Variants in GTF2IRD2B observed in about 807,000 individuals in gnomAD.
The protein encoded by GTF2IRD2B is general transcription factor II-I repeat domain-containing protein 2B.
In GTF2IRD2B, 10 loss-of-function variants were observed where a neutral mutation model predicts 55.6. The ratio of observed to expected loss-of-function variants is 0.18; its 90% confidence interval spans 0.11 to 0.31. The LOEUF (loss-of-function observed/expected upper bound fraction) is 0.31, where lower values mean the gene tolerates loss of function less well. Ranked by LOEUF, GTF2IRD2B falls within the 10% of genes least tolerant of loss-of-function variation. The pLI is 1.00. For synonymous variants in GTF2IRD2B, 107 were observed against 320.5 expected (o/e 0.33, Z 7.12); for missense variants, 206 against 802.7 (o/e 0.26, Z 8.98).
At chr7:75,138,622 G>A (rs880000924) in intron 11 of GTF2IRD2B, among the ~76,000 whole-genome samples, 3 of 115,346 alleles carry the variant, frequency 2.6e-5, no homozygotes, top group African/African-American at 1.1e-4. Context: ...AGCCGAGATC[G>A]CACCACTGCA....
In GTF2IRD2B at chr7:75,092,676, C is replaced by G. The variant is rs1807279924; in HGVS notation, c.-95C>G. ...AAGCGTGCTCGTCCCCCGCGCGGGG[C>G]TCCCGGCCGCCGCCCTCGGCCATCG... On this transcript the variant is annotated 5_prime_UTR_variant, in exon 1 of 16. Transcript: ENST00000472837. The G allele has an allele frequency of 6.5e-6, 1 of 153,626 alleles. No individual in the cohort carries two copies. Among genetic ancestry groups the G allele is most frequent in the African/African-American group, 2.4e-5 (1 of 41,488 alleles). 9.5% of individuals were successfully genotyped at this position (153,626 alleles called of 1,614,324 possible).
intron 1 of GTF2IRD2B, among the ~76,000 whole-genome samples, chr7:75,106,959 A>G (rs1233346298): frequency 6.6e-6 from 1 of 151,342 alleles, no homozygotes; most frequent in Non-Finnish European, 1.5e-5. Context: ...AAAAAAAAAA[A>G]AAAATCTTGG....
At chr7:75,109,250 G>C (rs1328411818) in intron 2 of GTF2IRD2B, among the ~76,000 whole-genome samples, 187 bp downstream of exon 2, 1 of 146,136 alleles carries the variant, frequency 6.8e-6, no homozygotes, top group African/African-American at 2.4e-5. Flanking sequence ...TGCCTCCTGG[G>C]TTCAAGCAAT....
chr7:75,117,396 G>A (rs1209635833), intron 3 of GTF2IRD2B, among the ~76,000 whole-genome samples: 1 of 152,296 alleles, frequency 6.6e-6, no homozygotes, highest in South Asian at 2.1e-4. Flanking sequence ...TCGGGAGGGA[G>A]AGGCAGGAGA....
intron 3 of GTF2IRD2B, among the ~76,000 whole-genome samples, chr7:75,117,611 C>A (rs1808205922): frequency 6.6e-6 from 1 of 152,294 alleles, no homozygotes; most frequent in Non-Finnish European, 1.5e-5. Context: ...CCAGAAGGGG[C>A]CAGGTGCAGT....
At chr7:75,122,270 A>G (rs1554452040) in intron 4 of GTF2IRD2B, among the ~76,000 whole-genome samples, 1 of 140,126 alleles carries the variant, frequency 7.1e-6, no homozygotes, top group Non-Finnish European at 1.5e-5. Context: ...CCACCTACCC[A>G]TGTCTTTCCA....
chr7:75,120,958 C>A lies in GTF2IRD2B; in HGVS notation c.306C>A (p.Gly102=), dbSNP rs201011769. 1 of 1,613,798 alleles carries A rather than the reference C, an allele frequency of 6.2e-7. No individual in the cohort carries two copies. Among genetic ancestry groups the A allele is most frequent in the African/African-American group, 1.3e-5 (1 of 74,930 alleles). The change falls in exon 4 of 16, where the codon GGC becomes GGA. Residue 102 remains glycine, a synonymous_variant. Coordinates refer to ENST00000472837, the MANE Select transcript of GTF2IRD2B (RefSeq NM_001003795.3). ...CPVNGMQVHS[G]ETEILRKAVE... Reference sequence around the variant, plus strand: ...TGAACGGGATGCAGGTCCACTCGGGCGAAACGGAAATACTCAGGAAGGCAG... The same window carrying A: ...TGAACGGGATGCAGGTCCACTCGGGAGAAACGGAAATACTCAGGAAGGCAG...
chr7:75,104,327 C>T (rs1396885114), intron 1 of GTF2IRD2B, among the ~76,000 whole-genome samples: 1 of 152,204 alleles, frequency 6.6e-6, no homozygotes, highest in Non-Finnish European at 1.5e-5. Context: ...CCATGTTGGC[C>T]AGGCTGGTCT....
chr7:75,101,226 CTG>C (rs1807542321), intron 1 of GTF2IRD2B, among the ~76,000 whole-genome samples: 1 of 142,022 alleles, frequency 7.0e-6, no homozygotes, highest in East Asian at 2.1e-4. Flanking sequence ...ATGATAAAAA[CTG>C]TTTTATTGAG....
At chr7:75,138,825 C>CA (rs71273506) in intron 11 of GTF2IRD2B, 125 bp from the exon 12 acceptor site, 47 of 8,022 alleles carry the variant, frequency 5.9e-3, no homozygotes, top group South Asian at 0.033. Flanking sequence ...GAACCTGTCT[C>CA]AAAAAAAAAA....
intron 10 of GTF2IRD2B, among the ~76,000 whole-genome samples, chr7:75,136,298 G>GT (rs55650547): frequency 1.5e-3 from 174 of 118,160 alleles, no homozygotes; most frequent in Middle Eastern, 5.1e-3. Flanking sequence ...AAATGATTCT[G>GT]TTTTTTTTTT....
At chr7:75,101,248 ATATACT>A (rs1480380831) in intron 1 of GTF2IRD2B, among the ~76,000 whole-genome samples, 4 of 148,132 alleles carry the variant, frequency 2.7e-5, no homozygotes, top group African/African-American at 7.4e-5. Flanking sequence ...GATACAATTC[ATATACT>A]TATACAGTTC....
In GTF2IRD2B at chr7:75,148,270, T is replaced by C; in HGVS notation, c.1823T>C (p.Ile608Thr). 1 of 1,613,696 alleles carries C rather than the reference T, an allele frequency of 6.2e-7. No individual in the cohort carries two copies. The highest frequency in any genetic ancestry group is 8.5e-7 in the Non-Finnish European group (1 of 1,179,836). ...GAGAAGAGCCTGAAAAAGTTCTGTA[T>C]CAACTGGTCGAGATTAGTAAGCGTG... ...RVEKSLKKFC[I>T]NWSRLVSVAS... Residue 608 changes from isoleucine to threonine, a missense_variant, in exon 16 of 16, where the codon ATC becomes ACC. By Grantham distance (89) the Ile-to-Thr change is moderately conservative. Transcript: ENST00000472837.
At chr7:75,137,974 TA>T (rs1269829567) in intron 11 of GTF2IRD2B, among the ~76,000 whole-genome samples, 1 of 108,290 alleles carries the variant, frequency 9.2e-6, no homozygotes, top group Non-Finnish European at 1.8e-5. Context: ...AAATAAAAAT[TA>T]AAAAAAAATT....
intron 4 of GTF2IRD2B, among the ~76,000 whole-genome samples, chr7:75,121,481 A>G (rs2523366): frequency 1.2e-4 from 18 of 145,292 alleles, no homozygotes; most frequent in African/African-American, 4.7e-4. Flanking sequence ...TTTTTCTGAG[A>G]GGAGTCTTGC....
chr7:75,104,285 G>A (rs1807691421), intron 1 of GTF2IRD2B, among the ~76,000 whole-genome samples: 3 of 151,970 alleles, frequency 2.0e-5, no homozygotes, highest in African/African-American at 4.8e-5. Context: ...ACCATGCCCA[G>A]CTAATTTTTA....
intron 1 of GTF2IRD2B, among the ~76,000 whole-genome samples, chr7:75,101,233 AT>A (rs1382317365): frequency 6.9e-6 from 1 of 144,980 alleles, no homozygotes; most frequent in Non-Finnish European, 1.5e-5. Flanking sequence ...AAACTGTTTT[AT>A]TGAGATACAA....
rs1554454527 is a variant in GTF2IRD2B at position 75,148,175 on chromosome 7, G to A, written c.1728G>A (p.Val576=). The A allele has an allele frequency of 6.2e-7, 1 of 1,613,774 alleles. No individual in the cohort carries two copies. The highest frequency in any genetic ancestry group is 1.1e-5 in the South Asian group (1 of 91,058). The change falls in exon 16 of 16, where the codon GTG becomes GTA. Residue 576 remains valine (V), a synonymous_variant. Transcript: ENST00000472837. ...FIRGVDENFD[V]SEELLDTVPM... is the part of the protein sequence containing the mutation. ...GTGGTGTCGATGAGAATTTCGATGT[G>A]TCCGAAGAACTTCTGGACACGGTGC...
chr7:75,106,327 C>T (rs1175111810), intron 1 of GTF2IRD2B, among the ~76,000 whole-genome samples: 3 of 152,186 alleles, frequency 2.0e-5, no homozygotes, highest in African/African-American at 4.8e-5. Context: ...CGCTTGAACC[C>T]GGGAGGCAGA....
Sources: allele counts gnomAD v4.1 joint callset (sites outside exome capture counted in the v4.1 genomes callset), GRCh38; gene constraint gnomAD v4.1.1; transcripts MANE v1.5; gene names NCBI Gene and HGNC (gene_info 2026-07-23, HGNC 2026-07-21).